MSI2: variants seen among roughly 807,000 people sequenced by gnomAD.
MSI2 encodes the protein RNA-binding protein Musashi homolog 2.
MSI2 carries 17 observed loss-of-function variants against 45.6 expected under a neutral mutation model. The ratio of observed to expected loss-of-function variants is 0.37; its 90% CI spans 0.26 to 0.56. The LOEUF (loss-of-function observed/expected upper bound fraction) is 0.56, where lower values mean the gene tolerates loss of function less well. MSI2 is among the 20% of genes least tolerant of loss of function. MSI2 has a pLI of 0.77. For missense variants in MSI2, 293 were observed against 444.2 expected, an observed-to-expected ratio of 0.66 and a Z score of 3.06; for synonymous variants, 156 against 158.2, an observed-to-expected ratio of 0.99 and a Z score of 0.11.
At chr17:57,387,162 A>G (rs1319872752) in intron 5 of MSI2, among the ~76,000 whole-genome samples, 1 of 152,160 alleles carries the variant, frequency 6.6e-6, no homozygotes, top group African/African-American at 2.4e-5. Flanking sequence ...TGGGGAATAT[A>G]TCTTTTCCTT....
intron 5 of MSI2, among the ~76,000 whole-genome samples, chr17:57,335,103 G>A (rs1040264596): frequency 1.3e-5 from 2 of 152,176 alleles, no homozygotes; most frequent in African/African-American, 4.8e-5. Context: ...ATCCGTCAGT[G>A]CCAGGAGATT....
Position 57,280,665 on chromosome 17 carries a change from C to T in MSI2, c.312+18473C>T, listed in dbSNP as rs369220873. 4.6e-5 allele frequency among the ~76,000 whole-genome samples: 7 copies of T among 152,068 alleles called. No homozygotes were observed. Among genetic ancestry groups the T allele is most frequent in the East Asian group, 1.9e-4 (1 of 5,184 alleles). ...TGAGTGTAACCCCTTGGCTGGCAAT[C>T]GGCATACTCTTAGTGACGGACCCCT... On this transcript the variant is annotated intron_variant, in intron 5 of 13. Transcript: ENST00000284073. This position sits in a 1 kb window ranked among gnomAD's most constrained non-coding sequence, Gnocchi z 4.2.
At chr17:57,287,912 C>T (rs1213861082) in intron 5 of MSI2, among the ~76,000 whole-genome samples, 2 of 152,166 alleles carry the variant, frequency 1.3e-5, no homozygotes, top group African/African-American at 4.8e-5. Flanking sequence ...CCCCTGGAGA[C>T]AGCAGTAGTG....
chr17:57,497,197 G>A (rs978985705), intron 6 of MSI2, among the ~76,000 whole-genome samples: 7 of 152,256 alleles, frequency 4.6e-5, no homozygotes, highest in Non-Finnish European at 7.4e-5. Context: ...GGCTAGTCTC[G>A]AACCCCTGAC....
intron 5 of MSI2, among the ~76,000 whole-genome samples, chr17:57,289,419 T>C (rs1411230362): frequency 6.6e-6 from 1 of 152,114 alleles, no homozygotes; most frequent in East Asian, 1.9e-4. Context: ...CACACACAAA[T>C]TTGTCACTCA....
intron 6 of MSI2, among the ~76,000 whole-genome samples, chr17:57,480,480 A>G (rs1359379313): frequency 1.3e-5 from 2 of 152,220 alleles, no homozygotes; most frequent in Admixed American, 1.3e-4. Context: ...AACCAGCAGC[A>G]GGAGAGTTTT....
intron 6 of MSI2, among the ~76,000 whole-genome samples, chr17:57,471,559 A>G (rs2085438172): frequency 1.3e-5 from 2 of 152,164 alleles, no homozygotes; most frequent in Admixed American, 1.3e-4. Context: ...CCTGTTGATC[A>G]TAAATGCCTT....
intron 4 of MSI2, chr17:57,259,912 T>G (rs1907153673): frequency 6.6e-6 from 1 of 152,268 alleles, no homozygotes; most frequent in African/African-American, 2.4e-5. Context: ...TCTGATTGTT[T>G]ATAGACATGT....
rs145489286 is a variant in MSI2 at position 57,675,085 on chromosome 17, G to A, written c.904G>A (p.Ala302Thr). ...CGGAGTGGGGAATTACATAAGTGCG[G>A]CCAGCCCACAGCCGGGCTCGGGCTT... ...DSGVGNYISAASPQPGSGFGH... is the reference protein window; with the variant it reads ...DSGVGNYISATSPQPGSGFGH... The change falls in exon 12 of 14, where the codon GCC becomes ACC. Residue 302 changes from alanine to threonine, a missense_variant. Physicochemically the swap from Ala to Thr is moderately conservative, Grantham distance 58 (BLOSUM62 0). Transcript: ENST00000284073. 1.5e-3 allele frequency: 2,500 copies of A among 1,614,006 alleles called. 3 individuals carry two copies. The highest frequency in any genetic ancestry group is 2.0e-3 in the Non-Finnish European group (2,412 of 1,180,006).
intron 7 of MSI2, among the ~76,000 whole-genome samples, chr17:57,581,002 A>ATTTTTTTTTT (rs1567914151): frequency 3.8e-4 from 22 of 58,234 alleles, no homozygotes; most frequent in Admixed American, 6.3e-4. Flanking sequence ...TGAGGTCAGC[A>ATTTTTTTTTT]TCTTTTTTTT....
intron 7 of MSI2, among the ~76,000 whole-genome samples, chr17:57,557,043 G>A (rs972363324): frequency 2.0e-5 from 3 of 152,196 alleles, no homozygotes; most frequent in African/African-American, 7.2e-5. Context: ...ATGGTTCAGG[G>A]CATGGAGTAT....
Position 57,681,917 on chromosome 17 carries a change from G to A in MSI2, c.*2400G>A, listed in dbSNP as rs1913626606. ...ATTTTGTCCATGTTGGTGATGTACT[G>A]TACTTCCCTTCCTTTTCTCTGCATC... On this transcript the variant is annotated 3_prime_UTR_variant, in exon 14 of 14. Transcript: ENST00000284073. The A allele has an allele frequency of 4.8e-6, 1 of 208,410 alleles. No homozygotes were observed. Among genetic ancestry groups the A allele is most frequent in the South Asian group, 1.9e-4 (1 of 5,294 alleles). The allele number at this position is 208,410 out of a possible 1,614,324, so 12.9% of individuals were successfully genotyped here.
intron 6 of MSI2, among the ~76,000 whole-genome samples, chr17:57,455,089 G>A (rs1380888949): frequency 1.3e-5 from 2 of 152,206 alleles, no homozygotes; most frequent in East Asian, 1.9e-4. Flanking sequence ...TCATTCAGGT[G>A]CGTGGGAGAT....
chr17:57,598,581 TC>T (rs1390298700), intron 8 of MSI2, among the ~76,000 whole-genome samples: 3 of 152,160 alleles, frequency 2.0e-5, no homozygotes, highest in African/African-American at 7.2e-5. Flanking sequence ...ATAACACAGG[TC>T]CCCTCATAGG....
chr17:57,631,902 G>A, intron 10 of MSI2: 1 of 1,587,056 alleles, frequency 6.3e-7, no homozygotes, highest in Non-Finnish European at 8.6e-7. Flanking sequence ...TCCCGGCCTG[G>A]GCTGCCCCCG....
At chr17:57,576,481 T>C (rs1394128798) in intron 7 of MSI2, among the ~76,000 whole-genome samples, 1 of 152,168 alleles carries the variant, frequency 6.6e-6, no homozygotes, top group Non-Finnish European at 1.5e-5. Context: ...GTTGGCTGGG[T>C]GCAGTGGCCC....
intron 7 of MSI2, among the ~76,000 whole-genome samples, chr17:57,578,250 G>A (rs979838700): frequency 3.3e-5 from 5 of 152,166 alleles, no homozygotes; most frequent in Non-Finnish European, 5.9e-5. Flanking sequence ...TGATCTAATG[G>A]GTTTACAGTT....
intron 7 of MSI2, among the ~76,000 whole-genome samples, chr17:57,562,359 G>T (rs556507096): frequency 6.6e-6 from 1 of 152,230 alleles, no homozygotes; most frequent in Admixed American, 6.5e-5. Flanking sequence ...TTCATACACA[G>T]AGGAAGCATT....
chr17:57,621,479 C>T (rs561961449), intron 9 of MSI2, among the ~76,000 whole-genome samples: 62 of 152,294 alleles, frequency 4.1e-4, no homozygotes, highest in African/African-American at 1.4e-3. Context: ...CTACTAAGTG[C>T]CAGGCACTGT....
Sources: gnomAD v4.1 joint callset for allele counts (sites outside exome capture counted in the v4.1 genomes callset) on GRCh38, gnomAD v4.1.1 for gene constraint, Gnocchi (gnomAD v3.1) non-coding constraint, MANE v1.5 for transcripts, NCBI Gene and HGNC (gene_info 2026-07-23, HGNC 2026-07-21) for gene names.